SBNO2: variants seen among roughly 807,000 people sequenced by gnomAD.
SBNO2 encodes protein strawberry notch homolog 2.
In SBNO2, 89 loss-of-function variants were observed where a neutral mutation model predicts 146.3. The ratio of observed to expected loss-of-function variants is 0.61; its 90% CI spans 0.51 to 0.73. The LOEUF is 0.73. SBNO2 is among the 30% of genes least tolerant of loss of function. The pLI, the probability that SBNO2 is intolerant of heterozygous loss-of-function variation, is 0.00. For missense variants in SBNO2, 2,092 were observed against 2,003.7 expected, an observed-to-expected ratio of 1.04 and a Z score of -0.84; for synonymous variants, 1,147 against 892.6, an observed-to-expected ratio of 1.29 and a Z score of -5.08.
intron 4 of SBNO2, among the ~76,000 whole-genome samples, chr19:1,129,283 G>C (rs372848366): frequency 3.9e-5 from 6 of 151,932 alleles, no homozygotes; most frequent in African/African-American, 1.5e-4. Context: ...AACAAACAAA[G>C]AAAAAAACCA....
chr19:1,134,723 G>A (rs193181267), intron 4 of SBNO2, among the ~76,000 whole-genome samples: 22 of 152,278 alleles, frequency 1.4e-4, no homozygotes, highest in Admixed American at 4.6e-4. Context: ...AGAGGTGGTG[G>A]TTGCACAACT....
intron 5 of SBNO2, among the ~76,000 whole-genome samples, chr19:1,124,910 G>A (rs916149638): frequency 3.9e-5 from 6 of 152,084 alleles, no homozygotes; most frequent in Non-Finnish European, 5.9e-5. Context: ...CCGTCGTCAT[G>A]CCCACTGTCC....
chr19:1,129,814 C>T (rs906028415), intron 4 of SBNO2, among the ~76,000 whole-genome samples: 15 of 152,202 alleles, frequency 9.9e-5, no homozygotes, highest in African/African-American at 3.6e-4. Flanking sequence ...GAGAGCTCCC[C>T]AAACCCAAAT....
At chr19:1,161,906 CGGGG>C (rs916715232) in intron 1 of SBNO2, among the ~76,000 whole-genome samples, 3 of 1,344 alleles carry the variant, frequency 2.2e-3, no homozygotes, top group African/African-American at 8.2e-3. Context: ...TGGGGAGCCG[CGGGG>C]GGGGGGGGGG....
rs2079754810 is a variant in SBNO2, at chr19:1,111,181, C to T, written c.2810-88G>A. On this transcript the variant is annotated intron_variant, in intron 24 of 31. Coordinates refer to ENST00000361757, the MANE Select transcript of SBNO2 (RefSeq NM_014963.3). ...GCTCCTTTTCCAGAGACCAGCAGCT[C>T]CCTGGGGGGCTGGGGAGCAGCTGCA... is the stretch of plus-strand genomic sequence containing the variant. The T allele has an allele frequency of 6.6e-5, 93 of 1,418,664 alleles. No individual in the cohort carries two copies. In the South Asian group the frequency reaches 1.2e-3, roughly 18 times the overall value. The allele number at this position is 1,418,664 out of a possible 1,614,324, so 87.9% of individuals were successfully genotyped here. A position where few individuals can be genotyped will look rare whatever the true frequency, so the allele number is the denominator to read the frequency against.
intron 1 of SBNO2, among the ~76,000 whole-genome samples, chr19:1,159,265 T>C (rs1449389469): frequency 6.6e-6 from 1 of 151,592 alleles, no homozygotes; most frequent in Non-Finnish European, 1.5e-5. Context: ...CTCAGGCACC[T>C]GGGCAGGCCC....
rs2079715580 is a variant in SBNO2, at chr19:1,109,006, C to T, written c.3426-37G>A. On this transcript the variant is annotated intron_variant, in intron 30 of 31. Transcript: ENST00000361757. This position sits in a 1 kb window ranked among gnomAD's most constrained non-coding sequence, Gnocchi z 4.2. ...ACGGGTCGTCTCGGCTCAGGCGGGT[C>T]CCAGGGGCCCGCAGGCTCCCCAGGT... The T allele has an allele frequency of 2.0e-6, 3 of 1,490,462 alleles. No individual in the cohort carries two copies. Among genetic ancestry groups the T allele is most frequent in the Non-Finnish European group, 2.7e-6 (3 of 1,123,370 alleles). The allele number at this position is 1,490,462 out of a possible 1,614,324, so 92.3% of individuals were successfully genotyped here.
In SBNO2 at chr19:1,138,883, C is replaced by T. The variant is rs148918021; in HGVS notation, c.279+8426G>A. Among the ~76,000 whole-genome samples the T allele has an allele frequency of 2.6e-3, 388 of 150,478 alleles. 1 individual carries two copies. The highest frequency in any genetic ancestry group is 4.7e-3 in the Non-Finnish European group (315 of 67,678). On this transcript the variant is annotated intron_variant, in intron 4 of 31. Transcript: ENST00000361757. Reference sequence around the variant, plus strand: ...AGTGGGGCCCTCCATGCGTCCATCACGGACAGACACAGTGGGTCCTCCACG... The same window carrying T: ...AGTGGGGCCCTCCATGCGTCCATCATGGACAGACACAGTGGGTCCTCCACG...
rs763741136 is a variant in SBNO2 at position 1,122,519 on chromosome 19, G to A, written c.954C>T (p.Arg318=). Residue 318 remains arginine, a synonymous_variant, in exon 10 of 32, where the codon CGC becomes CGT. Coordinates refer to ENST00000361757, the MANE Select transcript of SBNO2 (RefSeq NM_014963.3). ...CCGTGGCTTCGATGTCCCGCAGGTC[G>A]CGCTCCGCATCGTACTTGAGGTCGT... is the stretch of plus-strand genomic sequence containing the variant. ...VSNDLKYDAE[R]DLRDIEATGI... 2.0e-5 allele frequency: 31 copies of A among 1,563,610 alleles called. No homozygotes were observed. The highest frequency in any genetic ancestry group is 4.7e-5 in the East Asian group (2 of 42,174).
rs114021749 is a variant in SBNO2 at position 1,148,055 on chromosome 19, G to C, written c.168-635C>G. On this transcript the variant is annotated intron_variant, in intron 3 of 31. Transcript: ENST00000361757. ...GCCCCCTTGGCCAGCTCCTGCGCTT[G>C]GGAGAGGGGTGGCCGCCGTCCCCAG... is the stretch of plus-strand genomic sequence containing the variant. Among the ~76,000 whole-genome samples, 160 of 152,160 alleles carry C rather than the reference G, an allele frequency of 1.1e-3. 1 individual carries two copies. The highest frequency in any genetic ancestry group is 3.4e-3 in the African/African-American group (143 of 41,506).
rs540191475 is a variant in SBNO2, at chr19:1,112,784, C to T, written c.2379+34G>A. On this transcript the variant is annotated intron_variant, in intron 20 of 31. Coordinates refer to ENST00000361757, the MANE Select transcript of SBNO2 (RefSeq NM_014963.3). This position sits in a 1 kb window ranked among gnomAD's most constrained non-coding sequence, Gnocchi z 5.9. ...GGGCCCCTCTGTGCCTCTTGGGTCC[C>T]GTGGGCCGCGCCCAGTGCACTGCAG... 3.3e-6 allele frequency: 5 copies of T among 1,537,882 alleles called. No homozygotes were observed. The highest frequency in any genetic ancestry group is 2.8e-5 in the African/African-American group (2 of 72,622).
At chr19:1,164,412 AGGAG>A (rs2080382368) in intron 1 of SBNO2, among the ~76,000 whole-genome samples, 1 of 87,488 alleles carries the variant, frequency 1.1e-5, no homozygotes. Context: ...GAGGAGGAGG[AGGAG>A]GAACAGGAGG....
chr19:1,121,191 GTTC>G (rs1276725561), intron 11 of SBNO2, among the ~76,000 whole-genome samples: 2 of 152,030 alleles, frequency 1.3e-5, no homozygotes, highest in Non-Finnish European at 2.9e-5. Context: ...ACCCGGCCAG[GTTC>G]TTAATATTTT....
intron 2 of SBNO2, among the ~76,000 whole-genome samples, chr19:1,153,005 A>T (rs139388136): frequency 6.6e-6 from 1 of 151,728 alleles, no homozygotes; most frequent in East Asian, 2.0e-4. Flanking sequence ...AATTTTAAAA[A>T]TCTGCCGGGC....
At chr19:1,170,162 C>T (rs915598078) in intron 1 of SBNO2, among the ~76,000 whole-genome samples, 4 of 152,218 alleles carry the variant, frequency 2.6e-5, no homozygotes, top group South Asian at 2.1e-4. Context: ...CGCCTCCTCA[C>T]GGGGCCCAGG....
At position 1,108,451 on chromosome 19, in the gene SBNO2, C is replaced by T. The variant is rs2145178868; in HGVS notation, c.3870G>A (p.Pro1290=). 8.1e-7 allele frequency: 1 copy of T among 1,235,020 alleles called. No homozygotes were observed. The highest frequency in any genetic ancestry group is 1.0e-6 in the Non-Finnish European group (1 of 984,174). The allele number at this position is 1,235,020 out of a possible 1,614,324, so 76.5% of individuals were successfully genotyped here. A position where few individuals can be genotyped will look rare whatever the true frequency, so the allele number is the denominator to read the frequency against. The part of the protein sequence containing the change: ...LSLDAGPGVV[P]LGTPDAQADP... ...CGGCCTGGGCGTCGGGGGTGCCCAG[C>T]GGCACGACGCCGGGGCCGGCGTCCA... The change falls in exon 32 of 32, where the codon CCG becomes CCA. Residue 1290 remains proline, a synonymous_variant. Transcript: ENST00000361757.
At position 1,112,571 on chromosome 19, in the gene SBNO2, T is replaced by C. The variant is rs1212155035; in HGVS notation, c.2380-34A>G. On this transcript the variant is annotated intron_variant, in intron 20 of 31. Coordinates refer to ENST00000361757, the MANE Select transcript of SBNO2 (RefSeq NM_014963.3). The surrounding 1 kb of genome is among the most constrained non-coding windows in gnomAD (Gnocchi z 5.9). ...AAAGAAGGGGCCGGGACACGGTTGG[T>C]GCAAGGCCCGCCCCAGCGTTGCCGC... The C allele has an allele frequency of 1.3e-6, 2 of 1,564,762 alleles. No individual in the cohort carries two copies. The highest frequency in any genetic ancestry group is 2.3e-5 in the East Asian group (1 of 43,348).
intron 4 of SBNO2, among the ~76,000 whole-genome samples, chr19:1,141,307 C>T (rs890230323): frequency 6.6e-5 from 10 of 151,996 alleles, no homozygotes; most frequent in African/African-American, 1.5e-4. Flanking sequence ...CTCTGCTTCC[C>T]GAGTTCAAGT....
At position 1,117,317 on chromosome 19, in the gene SBNO2, G is replaced by A. The variant is rs189992330; in HGVS notation, c.1704+6C>T. 49 of 1,557,418 alleles carry A rather than the reference G, an allele frequency of 3.1e-5. No homozygotes were observed. The highest frequency in any genetic ancestry group is 3.9e-5 in the Non-Finnish European group (45 of 1,151,788). On this transcript the variant is annotated splice_donor_region_variant and intron_variant, in intron 15 of 31. Transcript: ENST00000361757. ...CCCTCAGCCCTCGAAGGCCGCAGCC[G>A]CTCACCTTGTCTCGCGCCAGCTCCT... is the stretch of plus-strand genomic sequence containing the variant.
Sources: allele counts gnomAD v4.1 joint callset (sites outside exome capture counted in the v4.1 genomes callset), GRCh38; gene constraint gnomAD v4.1.1; non-coding constraint Gnocchi (gnomAD v3.1); transcripts MANE v1.5; gene names NCBI Gene and HGNC (gene_info 2026-07-23, HGNC 2026-07-21).